APBA2: variants seen among roughly 807,000 people sequenced by gnomAD.
APBA2 encodes the protein amyloid beta precursor protein binding family A member 2, also known as amyloid-beta A4 precursor protein-binding family A member 2.
In APBA2, 30 loss-of-function variants were observed where a neutral mutation model predicts 75.0. The observed-to-expected ratio is 0.40, with a 90% confidence interval of 0.30 to 0.54. The LOEUF (loss-of-function observed/expected upper bound fraction) is 0.54. Among genes scored for constraint, APBA2 ranks in the 20% least tolerant of loss-of-function variants. APBA2 has a pLI of 0.49. For synonymous variants in APBA2, 444 were observed against 409.6 expected (o/e 1.08, Z -1.01); for missense variants, 801 against 1,016.1 (o/e 0.79, Z 2.88).
chr15:29,113,069 G>T (rs532819532), intron 13 of APBA2, among the ~76,000 whole-genome samples: 1 of 152,162 alleles, frequency 6.6e-6, no homozygotes, highest in African/African-American at 2.4e-5. Flanking sequence ...TTCCCTGCAG[G>T]CCTAGAGCAC....
At chr15:28,909,520 C>T (rs1361785506) in intron 1 of APBA2, among the ~76,000 whole-genome samples, 1 of 152,166 alleles carries the variant, frequency 6.6e-6, no homozygotes, top group Non-Finnish European at 1.5e-5. Context: ...CCTCAGACAT[C>T]GAGAATATCT....
At chr15:28,980,860 G>T (rs2037585107) in intron 2 of APBA2, among the ~76,000 whole-genome samples, 1 of 152,176 alleles carries the variant, frequency 6.6e-6, no homozygotes, top group South Asian at 2.1e-4. Flanking sequence ...GTGGAACCGA[G>T]TAGAGAACCC....
chr15:29,053,691 G>T (rs974446999), intron 3 of APBA2, among the ~76,000 whole-genome samples, 154 bp from the exon 4 acceptor site: 103 of 152,046 alleles, frequency 6.8e-4, no homozygotes, highest in Admixed American at 1.3e-3. Context: ...CTGATGATGA[G>T]TTAGCGGGGG....
rs982266132 is a variant in APBA2 at position 28,898,104 on chromosome 15, C to T, written c.-205+11826C>T. Among the ~76,000 whole-genome samples the T allele has an allele frequency of 5.9e-5, 9 of 152,230 alleles. 1 individual carries two copies. Among genetic ancestry groups the T allele is most frequent in the African/African-American group, 1.9e-4 (8 of 41,548 alleles). The stretch of plus-strand genomic sequence containing the variant: ...GGACAGGGCCAGGTAAAGGATTCTC[C>T]CCTGGTGCCTCTGGAGGGAATGTGG... On this transcript the variant is annotated intron_variant, in intron 1 of 14. Transcript: ENST00000683413.
intron 2 of APBA2, among the ~76,000 whole-genome samples, chr15:28,973,835 G>A (rs1595612011): frequency 6.6e-6 from 1 of 152,026 alleles, no homozygotes; most frequent in Admixed American, 6.6e-5. Context: ...AACATTGTTT[G>A]GTATACAAGA....
chr15:29,108,510 C>T (rs774313615), intron 13 of APBA2, 121 bp downstream of exon 13: 26 of 1,501,788 alleles, frequency 1.7e-5, no homozygotes, highest in Middle Eastern at 1.7e-4. Context: ...CCTGTGGTTG[C>T]AGCTGCCCAC....
chr15:29,090,763 G>A (rs922526027), intron 6 of APBA2, among the ~76,000 whole-genome samples: 1 of 152,178 alleles, frequency 6.6e-6, no homozygotes, highest in Non-Finnish European at 1.5e-5. Flanking sequence ...GGGCTTCACT[G>A]GGGGGTGCCT....
At chr15:28,886,721 C>T (rs946160993) in intron 1 of APBA2, among the ~76,000 whole-genome samples, 10 of 152,188 alleles carry the variant, frequency 6.6e-5, no homozygotes, top group African/African-American at 2.4e-4. Context: ...GGTTCGCTGC[C>T]CCCAGAGAAC....
At chr15:28,957,586 C>G (rs919610946) in intron 2 of APBA2, among the ~76,000 whole-genome samples, 18 of 152,174 alleles carry the variant, frequency 1.2e-4, no homozygotes, top group Non-Finnish European at 2.1e-4. Flanking sequence ...TCAATCGTGG[C>G]CACCCTGATG....
chr15:29,038,936 T>C (rs893370117), intron 3 of APBA2, among the ~76,000 whole-genome samples: 5 of 151,896 alleles, frequency 3.3e-5, no homozygotes, highest in African/African-American at 1.2e-4. Flanking sequence ...CCTCCCAAAG[T>C]GCTGGGATTA....
intron 2 of APBA2, among the ~76,000 whole-genome samples, chr15:28,940,929 A>G (rs992374528): frequency 6.6e-6 from 1 of 152,178 alleles, no homozygotes; most frequent in African/African-American, 2.4e-5. Context: ...TGTTAAAAGG[A>G]CTCGTGAGCT....
chr15:28,945,629 C>T (rs762848978), intron 2 of APBA2, among the ~76,000 whole-genome samples: 11 of 151,778 alleles, frequency 7.2e-5, no homozygotes, highest in Non-Finnish European at 1.5e-4. Flanking sequence ...AGCGATTCTC[C>T]TGCCTCAGCC....
chr15:28,933,331 C>T lies in APBA2; in HGVS notation c.-95+11582C>T, dbSNP rs945591699. 6.6e-5 allele frequency among the ~76,000 whole-genome samples: 10 copies of T among 150,494 alleles called. 1 individual carries two copies. The highest frequency in any genetic ancestry group is 2.2e-4 in the South Asian group (1 of 4,536). On this transcript the variant is annotated intron_variant, in intron 2 of 14. Transcript: ENST00000683413. ...AAAAGAGGCTGCAGAGAGAGCCTCC[C>T]GCCCTCCACCATGTGAGGACAGAGT...
intron 12 of APBA2, 108 bp from the exon 13 acceptor site, chr15:29,108,162 G>A: frequency 6.6e-7 from 1 of 1,524,642 alleles, no homozygotes; most frequent in Non-Finnish European, 9.0e-7. Flanking sequence ...CTCTCCCATT[G>A]TGTGTTCTCA....
chr15:29,117,202 C>T lies in APBA2; in HGVS notation c.*69C>T, dbSNP rs537068704. On this transcript the variant is annotated 3_prime_UTR_variant, in exon 15 of 15. Transcript: ENST00000683413. ...GCCCGGGCCCAGAGGAGCTGGGAGC[C>T]GGGCCGCAGACTTGACCCCGACGCC... 42 of 1,499,010 alleles carry T rather than the reference C, an allele frequency of 2.8e-5. No homozygotes were observed. In the East Asian group the frequency reaches 7.7e-4, roughly 28 times the overall value. The allele number at this position is 1,499,010 out of a possible 1,614,324, so 92.9% of individuals were successfully genotyped here. A position where few individuals can be genotyped will look rare whatever the true frequency, so the allele number is the denominator to read the frequency against.
At chr15:29,115,974 C>T (rs2045092430) in intron 14 of APBA2, among the ~76,000 whole-genome samples, 1 of 151,158 alleles carries the variant, frequency 6.6e-6, no homozygotes. Flanking sequence ...GAGGGCCCCC[C>T]ATCCGGAGGC....
intron 3 of APBA2, among the ~76,000 whole-genome samples, chr15:28,999,223 T>C (rs2038714174): frequency 6.6e-6 from 1 of 151,806 alleles, no homozygotes; most frequent in Admixed American, 6.6e-5. Context: ...TTCTATCTGC[T>C]CTTGAGGTGG....
chr15:28,977,537 A>AT (rs2037402572), intron 2 of APBA2: 1 of 152,104 alleles, frequency 6.6e-6, no homozygotes, highest in African/African-American at 2.4e-5. Flanking sequence ...GAATTTCCTG[A>AT]TTCCATTGGC....
intron 3 of APBA2, among the ~76,000 whole-genome samples, chr15:29,028,250 A>T (rs1205636828): frequency 1.3e-5 from 2 of 151,436 alleles, no homozygotes; most frequent in African/African-American, 4.9e-5. Context: ...AGAACATGTG[A>T]TGTTTGGTTT....
Sources: gnomAD v4.1 joint callset for allele counts (sites outside exome capture counted in the v4.1 genomes callset) on GRCh38, gnomAD v4.1.1 for gene constraint, MANE v1.5 for transcripts, NCBI Gene and HGNC (gene_info 2026-07-23, HGNC 2026-07-21) for gene names.